The following ANK3 variants were observed in gnomAD, a reference collection of about 807,000 sequenced individuals.
The protein encoded by ANK3 is ankyrin 3, also known as ankyrin-3.
In ANK3, 57 loss-of-function variants were observed where a neutral mutation model predicts 370.9. The ratio of observed to expected loss-of-function variants is 0.15; its 90% CI spans 0.12 to 0.19. The LOEUF (loss-of-function observed/expected upper bound fraction) is 0.19, where lower values mean the gene tolerates loss of function less well. Ranked by LOEUF, ANK3 falls within the 10% of genes least tolerant of loss-of-function variation. The pLI is 1.00. For synonymous variants in ANK3, 1,929 were observed against 1,946.3 expected, an observed-to-expected ratio of 0.99 and a Z score of 0.23; for missense variants, 4,439 against 5,302.1, an observed-to-expected ratio of 0.84 and a Z score of 5.06.
intron 23 of ANK3, among the ~76,000 whole-genome samples, chr10:60,143,289 T>C (rs1177870696): frequency 6.6e-6 from 1 of 152,170 alleles, no homozygotes; most frequent in Non-Finnish European, 1.5e-5. Context: ...GAACAAAACA[T>C]TCTATCATTA....
At chr10:60,467,802 C>T (rs1222646715) in intron 2 of ANK3, among the ~76,000 whole-genome samples, 6 of 151,898 alleles carry the variant, frequency 4.0e-5, no homozygotes, top group Admixed American at 6.6e-5. Context: ...CAAACAAACT[C>T]GATTTATTCC....
At chr10:60,504,126 G>T (rs1027568234) in intron 2 of ANK3, among the ~76,000 whole-genome samples, 20 of 152,152 alleles carry the variant, frequency 1.3e-4, no homozygotes, top group South Asian at 4.1e-4. Flanking sequence ...ACTCATAAAA[G>T]ACATACATTG....
chr10:60,556,115 G>A (rs2077200876), intron 2 of ANK3, among the ~76,000 whole-genome samples: 2 of 152,168 alleles, frequency 1.3e-5, no homozygotes, highest in Admixed American at 1.3e-4. Flanking sequence ...GACATTAAAA[G>A]AGAATCAACT....
chr10:60,393,287 C>T (rs1440309015), upstream of ANK3, among the ~76,000 whole-genome samples: 1 of 152,150 alleles, frequency 6.6e-6, no homozygotes, highest in Non-Finnish European at 1.5e-5. Context: ...CACCATACTG[C>T]CCCAAAGAGT....
intron 5 of ANK3, 71 bp from the exon 6 acceptor site, chr10:60,264,091 A>G (rs1379161725): frequency 7.6e-7 from 1 of 1,307,722 alleles, no homozygotes; most frequent in Non-Finnish European, 1.0e-6. Flanking sequence ...AACAAATAAG[A>G]AGGCAACCAA....
At chr10:60,117,813 CA>C (rs34389832) in intron 25 of ANK3, among the ~76,000 whole-genome samples, 1 of 151,032 alleles carries the variant, frequency 6.6e-6, no homozygotes, top group South Asian at 2.1e-4. Context: ...GACTCCGTCT[CA>C]AAAAAAAGAA....
rs978665521 is a variant in ANK3, at chr10:60,075,955, T to G, written c.4926A>C (p.Thr1642=). ...TGTTTGATTTGGGGGAGGCAGGGGG[T>G]GTCATAGTAATTGATGACCTCTCCA... ...SLLERSSITM[T]PPASPKSNIN... Residue 1642 remains threonine, a synonymous_variant, in exon 37 of 44, where the codon ACA becomes ACC. Coordinates refer to ENST00000280772, the MANE Select transcript of ANK3 (RefSeq NM_020987.5). 1.2e-6 allele frequency: 2 copies of G among 1,613,892 alleles called. No individual in the cohort carries two copies. Among genetic ancestry groups the G allele is most frequent in the African/African-American group, 1.3e-5 (1 of 74,910 alleles).
intron 1 of ANK3, among the ~76,000 whole-genome samples, chr10:60,362,530 G>A (rs932454443): frequency 2.0e-5 from 3 of 152,112 alleles, no homozygotes; most frequent in Non-Finnish European, 2.9e-5. Flanking sequence ...TACTTCTATC[G>A]CACGTGAGCC....
At chr10:60,451,104 C>G (rs2064589425) in intron 2 of ANK3, among the ~76,000 whole-genome samples, 11 of 152,128 alleles carry the variant, frequency 7.2e-5, no homozygotes, top group Admixed American at 7.2e-4. Context: ...AAGGTGAAGG[C>G]AGAGACTGGA....
intron 1 of ANK3, among the ~76,000 whole-genome samples, chr10:60,664,748 A>G (rs533865082): frequency 6.6e-6 from 1 of 152,352 alleles, no homozygotes. Context: ...GGTATTGCAT[A>G]GATATTTGCT....
chr10:60,392,657 G>C (rs113238321), upstream of ANK3, among the ~76,000 whole-genome samples: 1 of 152,092 alleles, frequency 6.6e-6, no homozygotes, highest in Non-Finnish European at 1.5e-5. Context: ...TGCCGGGCGC[G>C]GTGGCTCATG....
At chr10:60,055,616 T>A in intron 42 of ANK3, 42 bp downstream of exon 42, 2 of 1,544,750 alleles carry the variant, frequency 1.3e-6, no homozygotes, top group Non-Finnish European at 8.7e-7. Context: ...GCACCGATAC[T>A]TTCCATTTCA....
chr10:60,284,064 G>A (rs989338134), intron 1 of ANK3, among the ~76,000 whole-genome samples: 1 of 152,144 alleles, frequency 6.6e-6, no homozygotes, highest in East Asian at 1.9e-4. Context: ...GAGGTCACAC[G>A]GGATTAGAAT....
At chr10:60,680,471 T>C (rs1167809676) in intron 1 of ANK3, among the ~76,000 whole-genome samples, 1 of 152,216 alleles carries the variant, frequency 6.6e-6, no homozygotes. Context: ...CATGCTCTCC[T>C]GGTTTTCTTC....
chr10:60,086,165 T>G (rs1010736089), intron 30 of ANK3, among the ~76,000 whole-genome samples: 1 of 152,190 alleles, frequency 6.6e-6, no homozygotes, highest in African/African-American at 2.4e-5. Flanking sequence ...AATGTGTTCT[T>G]CTGAGCCCTG....
chr10:60,214,119 T>G (rs2096898300), intron 8 of ANK3, among the ~76,000 whole-genome samples: 1 of 152,154 alleles, frequency 6.6e-6, no homozygotes, highest in African/African-American at 2.4e-5. Flanking sequence ...AAAAGTTTTG[T>G]GACCATTCCA....
At chr10:60,538,365 G>C (rs16915102) in intron 2 of ANK3, among the ~76,000 whole-genome samples, 3,027 of 151,910 alleles carry the variant, frequency 0.02, 61 homozygotes, top group Middle Eastern at 0.061. Flanking sequence ...AATCCTCCCA[G>C]TTACCTGTTT....
intron 1 of ANK3, among the ~76,000 whole-genome samples, chr10:60,715,816 C>G (rs1382809565): frequency 6.6e-6 from 1 of 152,068 alleles, no homozygotes; most frequent in Admixed American, 6.5e-5. Flanking sequence ...TCGGCCAAAA[C>G]CATTAAGGTT....
chr10:60,372,915 C>T (rs1328084027), intron 1 of ANK3, among the ~76,000 whole-genome samples: 8 of 152,158 alleles, frequency 5.3e-5, no homozygotes, highest in Admixed American at 1.3e-4. Context: ...TCATCTGCAG[C>T]CTATAAAGTC....
Sources: gnomAD v4.1 joint callset for allele counts (sites outside exome capture counted in the v4.1 genomes callset) on GRCh38, gnomAD v4.1.1 for gene constraint, MANE v1.5 for transcripts, NCBI Gene and HGNC (gene_info 2026-07-23, HGNC 2026-07-21) for gene names.